Variants in FAR1 observed in about 807,000 individuals in gnomAD.
FAR1 encodes male sterility domain-containing protein 2.
Under a neutral mutation model 61.1 loss-of-function variants are expected in FAR1, and 22 were observed. The ratio of observed to expected loss-of-function variants is 0.36; its 90% CI spans 0.26 to 0.51. The LOEUF is 0.51. FAR1 is among the 20% of genes least tolerant of loss of function. The pLI, the probability that FAR1 is intolerant of heterozygous loss-of-function variation, is 0.95. For missense variants in FAR1, 359 were observed against 626.9 expected, an observed-to-expected ratio of 0.57 and a Z score of 4.56; for synonymous variants, 206 against 209.7, an observed-to-expected ratio of 0.98 and a Z score of 0.15.
intron 1 of FAR1, among the ~76,000 whole-genome samples, chr11:13,679,036 C>T (rs1443530686): frequency 2.0e-5 from 3 of 152,094 alleles, no homozygotes; most frequent in Admixed American, 1.3e-4. Flanking sequence ...TTTCCTATAA[C>T]ATCGGTTTTA....
At position 13,714,489 on chromosome 11, in the gene FAR1, A is replaced by G. The variant is rs766320798; in HGVS notation, c.956-20A>G. 11 of 1,591,272 alleles carry G rather than the reference A, an allele frequency of 6.9e-6. No homozygotes were observed. Among genetic ancestry groups the G allele is most frequent in the East Asian group, 6.8e-5 (3 of 44,276 alleles). On this transcript the variant is annotated intron_variant, in intron 8 of 11. Transcript: ENST00000354817. ...TTACATGGTTATTATCAAAGCTGTTACACAACTTTTCTTCTTCAGAGTACC... is the reference window on the plus strand; with the variant it reads ...TTACATGGTTATTATCAAAGCTGTTGCACAACTTTTCTTCTTCAGAGTACC...
rs1292553613 is a variant in FAR1 at position 13,732,124 on chromosome 11, A to AT, written c.*3351dup. On this transcript the variant is annotated 3_prime_UTR_variant, in exon 12 of 12. Coordinates refer to ENST00000354817, the MANE Select transcript of FAR1 (RefSeq NM_032228.6). ...CAGAAATGAGTTAATTGTCTCTGTGATAAAAAAAAAAAATGAAATATTTTC... is the reference window on the plus strand; with the variant it reads ...CAGAAATGAGTTAATTGTCTCTGTGATTAAAAAAAAAAAATGAAATATTTTC... 1.9e-5 allele frequency: 2 copies of AT among 105,386 alleles called. No homozygotes were observed. Among genetic ancestry groups the AT allele is most frequent in the East Asian group, 2.1e-4 (1 of 4,774 alleles). The allele number at this position is 105,386 out of a possible 1,614,324, so 6.5% of individuals were successfully genotyped here. A position where few individuals can be genotyped will look rare whatever the true frequency, so the allele number is the denominator to read the frequency against.
chr11:13,668,895 G>C (rs1049484703), intron 1 of FAR1, 89 bp downstream of exon 1: 1 of 152,382 alleles, frequency 6.6e-6, no homozygotes, highest in African/African-American at 2.4e-5. Flanking sequence ...TCGGGCTGCA[G>C]GCCTGGCCGA....
intron 1 of FAR1, among the ~76,000 whole-genome samples, chr11:13,694,269 G>A (rs1019617908): frequency 3.9e-5 from 6 of 152,032 alleles, no homozygotes; most frequent in East Asian, 1.9e-4. Context: ...GAAAGGGCTC[G>A]GTGTCACCTC....
chr11:13,683,065 G>A (rs1351518567), intron 1 of FAR1, among the ~76,000 whole-genome samples: 2 of 152,132 alleles, frequency 1.3e-5, no homozygotes, highest in Admixed American at 1.3e-4. Context: ...TCTTCCAGCT[G>A]AAAGGGATAA....
chr11:13,686,988 A>G (rs1219244639), intron 1 of FAR1, among the ~76,000 whole-genome samples: 2 of 152,248 alleles, frequency 1.3e-5, no homozygotes, highest in African/African-American at 4.8e-5. Flanking sequence ...GGTTCAGAGT[A>G]GTAGCTTTAT....
chr11:13,692,690 G>A (rs1848263564), intron 1 of FAR1, among the ~76,000 whole-genome samples: 12 of 151,792 alleles, frequency 7.9e-5, no homozygotes, highest in Admixed American at 7.9e-4. Context: ...ATTCGCTTGG[G>A]GGCTATTAAT....
At chr11:13,670,930 G>C (rs942871105) in intron 1 of FAR1, among the ~76,000 whole-genome samples, 2 of 152,140 alleles carry the variant, frequency 1.3e-5, no homozygotes, top group Non-Finnish European at 2.9e-5. Flanking sequence ...AGGACAAAAG[G>C]TTTGTGAAGA....
intron 9 of FAR1, among the ~76,000 whole-genome samples, chr11:13,716,910 T>G (rs1219703186): frequency 6.6e-6 from 1 of 151,490 alleles, no homozygotes; most frequent in Admixed American, 6.6e-5. Context: ...TCATTTACAT[T>G]AGGTATTTCT....
At chr11:13,712,067 G>A (rs373165768) in intron 7 of FAR1, 21 bp downstream of exon 7, 14 of 1,481,240 alleles carry the variant, frequency 9.5e-6, no homozygotes, top group South Asian at 5.7e-5. Context: ...TGACAATGTC[G>A]CTTATTAAAT....
At chr11:13,682,289 CAT>C (rs1231311508) in intron 1 of FAR1, among the ~76,000 whole-genome samples, 7 of 152,166 alleles carry the variant, frequency 4.6e-5, no homozygotes, top group Non-Finnish European at 8.8e-5. Context: ...ACTGCTTTCC[CAT>C]TGATGTCTTT....
chr11:13,682,731 C>G (rs1443122611), intron 1 of FAR1, among the ~76,000 whole-genome samples: 1 of 152,138 alleles, frequency 6.6e-6, no homozygotes, highest in Admixed American at 6.5e-5. Context: ...ACCTCAGCCT[C>G]TCAAGTAGCT....
At chr11:13,687,667 C>A (rs1848202263) in intron 1 of FAR1, among the ~76,000 whole-genome samples, 1 of 152,018 alleles carries the variant, frequency 6.6e-6, no homozygotes, top group Admixed American at 6.6e-5. Context: ...AATGGGGAAG[C>A]CAAGAATACA....
Position 13,729,045 on chromosome 11 carries a change from C to T in FAR1, c.*271C>T, listed in dbSNP as rs1298051996. The T allele has an allele frequency of 7.1e-6, 2 of 282,104 alleles. No individual in the cohort carries two copies. Among genetic ancestry groups the T allele is most frequent in the Non-Finnish European group, 1.4e-5 (2 of 146,802 alleles). 17.5% of individuals were successfully genotyped at this position (282,104 alleles called of 1,614,324 possible). On this transcript the variant is annotated 3_prime_UTR_variant, in exon 12 of 12. Transcript: ENST00000354817. ...CTAGAAGAAAGGGGTGTGCTGAGGA[C>T]AAGAGTGGGGAAATAGGAACACTGA...
chr11:13,702,613 A>AT (rs1037135961), intron 3 of FAR1, among the ~76,000 whole-genome samples: 3 of 152,134 alleles, frequency 2.0e-5, no homozygotes, highest in African/African-American at 7.2e-5. Context: ...AGTAAAGTCG[A>AT]TTTTTTCCCC....
intron 4 of FAR1, among the ~76,000 whole-genome samples, chr11:13,709,383 A>G (rs2134190627): frequency 6.6e-6 from 1 of 152,310 alleles, no homozygotes; most frequent in South Asian, 2.1e-4. Context: ...AATATTTAAT[A>G]TCTGCGGGAA....
chr11:13,714,453 TCAA>T, intron 8 of FAR1, 53 bp from the exon 9 acceptor site: 1 of 1,453,430 alleles, frequency 6.9e-7, no homozygotes, highest in Non-Finnish European at 9.3e-7. Flanking sequence ...TTTTTTTTTT[TCAA>T]AACTTCATTA....
At chr11:13,674,205 A>C (rs1479947517) in intron 1 of FAR1, among the ~76,000 whole-genome samples, 4 of 151,546 alleles carry the variant, frequency 2.6e-5, no homozygotes, top group African/African-American at 9.7e-5. Flanking sequence ...GCTACTCGGG[A>C]GGCTGAGGCA....
intron 1 of FAR1, among the ~76,000 whole-genome samples, chr11:13,693,664 G>C (rs1175238576): frequency 6.6e-6 from 1 of 152,134 alleles, no homozygotes; most frequent in East Asian, 1.9e-4. Context: ...TTAGGAGATT[G>C]GTAAAAAGAG....
Sources: allele counts gnomAD v4.1 joint callset (sites outside exome capture counted in the v4.1 genomes callset), GRCh38; gene constraint gnomAD v4.1.1; transcripts MANE v1.5; gene names NCBI Gene and HGNC (gene_info 2026-07-23, HGNC 2026-07-21).